The following INSL6 variants were observed in gnomAD, a reference collection of about 807,000 sequenced individuals.
The protein encoded by INSL6 is insulin-like peptide INSL6.
INSL6 carries 16 observed loss-of-function variants against 9.4 expected under a neutral mutation model. That is an observed-to-expected ratio of 1.70 (90% CI 1.15 to 2.59). The LOEUF is 2.59. Among genes scored for constraint, INSL6 ranks in the 30% most tolerant of loss-of-function variants. The probability of loss-of-function intolerance (pLI) is 0.00; values close to 1 mark genes in which losing one functional copy is unlikely to be tolerated. For missense variants in INSL6, 391 were observed against 257.3 expected (o/e 1.52, Z -3.56); for synonymous variants, 154 against 96.9 (o/e 1.59, Z -3.46).
At chr9:5,140,727 C>G (rs1316640866) in intron 2 of INSL6, among the ~76,000 whole-genome samples, 2 of 151,584 alleles carry the variant, frequency 1.3e-5, no homozygotes, top group African/African-American at 4.8e-5. Flanking sequence ...TTTTTTTTCC[C>G]CTTAATTTTA....
At chr9:5,007,360 T>G in the INSL6 span, among the ~76,000 whole-genome samples, 2 of 152,138 alleles carry the variant, frequency 1.3e-5, no homozygotes, top group African/African-American at 4.8e-5. Flanking sequence ...ATTGATTAAT[T>G]TACAAATATA....
the INSL6 span, among the ~76,000 whole-genome samples, chr9:5,013,312 A>G: frequency 1.3e-5 from 2 of 152,254 alleles, no homozygotes; most frequent in Non-Finnish European, 2.9e-5. Flanking sequence ...TAGTATAGGA[A>G]TAATTGTAGG....
the INSL6 span, among the ~76,000 whole-genome samples, chr9:5,062,411 C>T: frequency 7.1e-6 from 1 of 140,568 alleles, no homozygotes. Context: ...CAAAACATGA[C>T]ACATAGGAAG....
At chr9:5,024,970 GTGGGCAGGACA>G in the INSL6 span, among the ~76,000 whole-genome samples, 1 of 152,212 alleles carries the variant, frequency 6.6e-6, no homozygotes. Flanking sequence ...GCCGGGGCTG[GTGGGCAGGACA>G]TGGGCGTAGT....
At chr9:5,005,796 T>C in the INSL6 span, among the ~76,000 whole-genome samples, 3 of 152,340 alleles carry the variant, frequency 2.0e-5, no homozygotes, top group African/African-American at 7.2e-5. Flanking sequence ...ACATTTTCTA[T>C]GTGGAAAAGT....
the INSL6 span, chr9:5,077,659 A>G: frequency 1.1e-6 from 1 of 924,392 alleles, no homozygotes; most frequent in Admixed American, 3.3e-5. Flanking sequence ...ACCTGGAAAC[A>G]AAAAATAAAT....
At chr9:5,033,736 G>A in the INSL6 span, among the ~76,000 whole-genome samples, 2 of 152,146 alleles carry the variant, frequency 1.3e-5, no homozygotes, top group Admixed American at 1.3e-4. Context: ...AGCTCCTGAA[G>A]GAAGCACTAA....
the INSL6 span, chr9:5,099,304 C>G: frequency 6.6e-6 from 1 of 151,562 alleles, no homozygotes. Flanking sequence ...TAAAATATTT[C>G]AAAACCTGAT....
chr9:5,069,589 C>A, the INSL6 span, among the ~76,000 whole-genome samples: 10 of 151,838 alleles, frequency 6.6e-5, no homozygotes, highest in African/African-American at 1.9e-4. Context: ...AAATAATGAG[C>A]CTTACTATTA....
At chr9:5,113,646 G>C in the INSL6 span, 1 of 162,266 alleles carries the variant, frequency 6.2e-6, no homozygotes. Context: ...CTGGCCACAG[G>C]CTACTTCCTG....
At chr9:5,180,248 CTG>C (rs750051632) in intron 1 of INSL6, among the ~76,000 whole-genome samples, 2 of 152,118 alleles carry the variant, frequency 1.3e-5, no homozygotes, top group Non-Finnish European at 1.5e-5. Context: ...CTCAGGACCA[CTG>C]TGATAATTGT....
chr9:5,137,353 C>A (rs1211956421), intron 2 of INSL6, among the ~76,000 whole-genome samples: 2 of 152,164 alleles, frequency 1.3e-5, no homozygotes, highest in African/African-American at 2.4e-5. Context: ...AGGCATCACA[C>A]TACCTGACTT....
chr9:5,054,902 G>A, the INSL6 span: 3 of 1,499,896 alleles, frequency 2.0e-6, no homozygotes, highest in Non-Finnish European at 1.8e-6. This position sits in a 1 kb window ranked among gnomAD's most constrained non-coding sequence, Gnocchi z 4.9. Context: ...TTAATGATAT[G>A]TTCTTGTTCT....
intron 3 of INSL6, chr9:5,125,875 A>G (rs1823957066): frequency 6.6e-6 from 1 of 151,894 alleles, no homozygotes; most frequent in African/African-American, 2.4e-5. Flanking sequence ...AAATAAGTAA[A>G]TGATGTTTAA....
the INSL6 span, among the ~76,000 whole-genome samples, chr9:5,093,490 T>C: frequency 1.3e-5 from 2 of 152,186 alleles, no homozygotes; most frequent in African/African-American, 4.8e-5. Context: ...ATCTGACCTA[T>C]TGGTGAAGAG....
intron 1 of INSL6, among the ~76,000 whole-genome samples, chr9:5,177,619 T>A (rs551098125): frequency 6.6e-6 from 1 of 152,348 alleles, no homozygotes. Flanking sequence ...CAAGCAGTTG[T>A]TCTGCACGTC....
At chr9:5,151,321 T>C (rs1486186404) in intron 2 of INSL6, among the ~76,000 whole-genome samples, 2 of 152,114 alleles carry the variant, frequency 1.3e-5, no homozygotes, top group Non-Finnish European at 2.9e-5. Flanking sequence ...AATCTGATAT[T>C]AGAATAAATA....
chr9:5,185,339 CGG>C lies in INSL6; in HGVS notation c.262_263del (p.Pro88GlyfsTer27), dbSNP rs587783069. On this transcript the variant is annotated frameshift_variant, in exon 1 of 2. Transcript: ENST00000381641. LOFTEE classifies it low-confidence loss of function (END_TRUNC). ...YQFESPQTAS[P>X]ARGRGTNPVS... is the part of the protein sequence containing the mutation. ...CTGGGTTTGTGCCTCTTCCCCGGGC[CGG>C]GGAAGCGGTTTGCGGGCTTTCGAAC... 2.5e-6 allele frequency: 4 copies of C among 1,614,068 alleles called. No individual in the cohort carries two copies. Among genetic ancestry groups the C allele is most frequent in the Non-Finnish European group, 3.4e-6 (4 of 1,180,016 alleles).
At chr9:5,001,625 A>T in the INSL6 span, among the ~76,000 whole-genome samples, 2 of 143,356 alleles carry the variant, frequency 1.4e-5, no homozygotes, top group African/African-American at 2.6e-5. Context: ...TTTGCCTGTA[A>T]TTTTTTTTTT....
Sources: gnomAD v4.1 joint callset for allele counts (sites outside exome capture counted in the v4.1 genomes callset) on GRCh38, gnomAD v4.1.1 for gene constraint, Gnocchi (gnomAD v3.1) non-coding constraint, MANE v1.5 for transcripts, NCBI Gene and HGNC (gene_info 2026-07-23, HGNC 2026-07-21) for gene names.